AP3M2: variants seen among roughly 807,000 people sequenced by gnomAD.
AP3M2 encodes the protein AP-3 complex subunit mu-2.
AP3M2 carries 28 observed loss-of-function variants against 41.6 expected under a neutral mutation model. The observed-to-expected ratio is 0.67, with a 90% CI of 0.50 to 0.92. The LOEUF (loss-of-function observed/expected upper bound fraction) is 0.92. Ranked by LOEUF, AP3M2 falls within the 40% of genes least tolerant of loss-of-function variation. AP3M2 has a pLI of 0.00. For missense variants in AP3M2, 427 were observed against 521.4 expected (o/e 0.82, Z 1.76); for synonymous variants, 193 against 186.4 (o/e 1.04, Z -0.29).
chr8:42,165,838 T>C (rs1804625906), intron 6 of AP3M2: 1 of 328,002 alleles, frequency 3.0e-6, no homozygotes, highest in Non-Finnish European at 5.5e-6. Flanking sequence ...TTTGCTGTTA[T>C]TTTTGTTGTT....
At chr8:42,164,611 T>C (rs1804589735) in intron 4 of AP3M2, among the ~76,000 whole-genome samples, 1 of 151,920 alleles carries the variant, frequency 6.6e-6, no homozygotes, top group Non-Finnish European at 1.5e-5. Context: ...GCAGAAGTGA[T>C]TGACAGTGAC....
rs1564116179 is a variant in AP3M2 at position 42,157,932 on chromosome 8, C to A, written c.274-9C>A. 6.2e-7 allele frequency: 1 copy of A among 1,608,600 alleles called. No individual in the cohort carries two copies. The highest frequency in any genetic ancestry group is 1.7e-5 in the Admixed American group (1 of 59,934). On this transcript the variant is annotated splice_polypyrimidine_tract_variant and intron_variant, in intron 2 of 8. Coordinates refer to ENST00000396926, the MANE Select transcript of AP3M2 (RefSeq NM_006803.4). ...TGAGTGATCAATGTGTATATTCTGT[C>A]TCCATCAGGATTATTTTGGAGTCTG... is the stretch of plus-strand genomic sequence containing the variant.
At chr8:42,154,429 G>A (rs1476998362) in intron 1 of AP3M2, 187 bp from the exon 2 acceptor site, 9 of 435,518 alleles carry the variant, frequency 2.1e-5, no homozygotes, top group African/African-American at 4.0e-5. Context: ...ATAACTGGGA[G>A]TATATGATTG....
At chr8:42,168,924 T>A (rs749584162) in intron 8 of AP3M2, 37 bp from the exon 9 acceptor site, 1 of 1,492,434 alleles carries the variant, frequency 6.7e-7, no homozygotes, top group East Asian at 2.3e-5. Flanking sequence ...TTTTGAATAA[T>A]ACTCATGTCT....
chr8:42,162,174 C>A (rs1409250189), intron 3 of AP3M2, 107 bp from the exon 4 acceptor site: 20 of 1,131,144 alleles, frequency 1.8e-5, no homozygotes, highest in Admixed American at 2.8e-5. Flanking sequence ...TTGAAAAATT[C>A]TTCAATTGAG....
At chr8:42,156,039 CG>C (rs1804346154) in intron 2 of AP3M2, 2 of 351,908 alleles carry the variant, frequency 5.7e-6, no homozygotes, top group African/African-American at 4.0e-5. Flanking sequence ...ACAGTGAAAA[CG>C]TAAGTATAAG....
At chr8:42,153,845 G>A (rs1804279749) in intron 1 of AP3M2, 1 of 152,088 alleles carries the variant, frequency 6.6e-6, no homozygotes, top group African/African-American at 2.4e-5. Context: ...AGTGCTCAGA[G>A]AATAGCTCTG....
rs1804661746 is a variant in AP3M2, at chr8:42,167,175, T to A, written c.815T>A (p.Ile272Asn). Residue 272 changes from isoleucine to asparagine, a missense_variant, in exon 7 of 9, where the codon ATC (isoleucine) becomes AAC (asparagine). Ile to Asn is a moderately radical substitution (Grantham distance 149). Transcript: ENST00000396926. ...TCTCTCATTTCCAGTCTGGTTGCAA[T>A]CCCAGTGTATGTCAAACATAACATC... Reference protein sequence around the residue: ...YHVSAQNLVAIPVYVKHNISF... With the variant: ...YHVSAQNLVANPVYVKHNISF... The A allele has an allele frequency of 6.2e-7, 1 of 1,614,142 alleles. No individual in the cohort carries two copies. The highest frequency in any genetic ancestry group is 8.5e-7 in the Non-Finnish European group (1 of 1,180,016).
chr8:42,165,176 A>T lies in AP3M2; in HGVS notation c.669+20A>T, dbSNP rs1288508211. The T allele has an allele frequency of 1.2e-6, 2 of 1,607,770 alleles. No homozygotes were observed. Among genetic ancestry groups the T allele is most frequent in the Non-Finnish European group, 1.7e-6 (2 of 1,175,114 alleles). On this transcript the variant is annotated intron_variant, in intron 5 of 8. Transcript: ENST00000396926. ...TTCATGGTAAAATCCTGGGCCAGAG[A>T]TTAAGTTCTTGGGATGAGAAATTAA...
chr8:42,153,661 T>C (rs1474587420), intron 1 of AP3M2: 3 of 150,370 alleles, frequency 2.0e-5, no homozygotes, highest in Non-Finnish European at 2.9e-5. Context: ...CAGGGAAATT[T>C]TTTTTTTTTT....
At chr8:42,154,525 C>T (rs948933495) in intron 1 of AP3M2, 91 bp from the exon 2 acceptor site, 13 of 1,028,172 alleles carry the variant, frequency 1.3e-5, no homozygotes, top group Non-Finnish European at 1.5e-5. Flanking sequence ...TGGGCCTGGT[C>T]TTGAAAGATG....
intron 6 of AP3M2, 49 bp downstream of exon 6, chr8:42,165,609 G>A (rs1435701858): frequency 1.2e-6 from 2 of 1,600,616 alleles, no homozygotes; most frequent in South Asian, 1.1e-5. Flanking sequence ...GTACATGTAT[G>A]TGGAAACCGT....
chr8:42,167,897 C>T (rs1804685339), intron 8 of AP3M2, 87 bp downstream of exon 8: 1 of 1,476,564 alleles, frequency 6.8e-7, no homozygotes, highest in South Asian at 1.3e-5. Context: ...CCTTTCTGGG[C>T]TTCCTGTTTA....
intron 2 of AP3M2, 84 bp downstream of exon 2, chr8:42,155,044 G>A: frequency 5.2e-6 from 6 of 1,153,176 alleles, no homozygotes; most frequent in African/African-American, 1.6e-5. Context: ...CCTCCATTAA[G>A]AAACTTAAAA....
chr8:42,154,377 T>TA (rs953282591), intron 1 of AP3M2: 1 of 249,476 alleles, frequency 4.0e-6, no homozygotes, highest in Non-Finnish European at 7.8e-6. Context: ...CACCCACAGA[T>TA]AAGTAGTATT....
Position 42,168,974 on chromosome 8 carries a change from T to C in AP3M2, c.1170T>C (p.Asn390=), listed in dbSNP as rs773876680. 1 of 1,603,962 alleles carries C rather than the reference T, an allele frequency of 6.2e-7. No homozygotes were observed. Among genetic ancestry groups the C allele is most frequent in the Non-Finnish European group, 8.5e-7 (1 of 1,176,254 alleles). Residue 390 remains asparagine, a synonymous_variant, in exon 9 of 9, where the codon AAT becomes AAC. Coordinates refer to ENST00000396926, the MANE Select transcript of AP3M2 (RefSeq NM_006803.4). The part of the protein sequence containing the change: ...QQLAISGLKV[N]RLDMYGEKYK... ...CCTCCTTTCTAGGACTCAAGGTGAA[T>C]CGTCTGGATATGTATGGAGAAAAGT...
intron 2 of AP3M2, 47 bp from the exon 3 acceptor site, chr8:42,157,894 A>G: frequency 6.5e-7 from 1 of 1,527,252 alleles, no homozygotes; most frequent in Non-Finnish European, 9.0e-7. Context: ...TTATTTATTT[A>G]TTTTACAGTA....
chr8:42,161,834 A>G (rs1587915235), intron 3 of AP3M2, among the ~76,000 whole-genome samples: 1 of 152,312 alleles, frequency 6.6e-6, no homozygotes, highest in African/African-American at 2.4e-5. Flanking sequence ...GGAACTTGGG[A>G]ATGAGACAGA....
intron 4 of AP3M2, among the ~76,000 whole-genome samples, 176 bp downstream of exon 4, chr8:42,162,594 C>T (rs1804535124): frequency 6.6e-6 from 1 of 151,988 alleles, no homozygotes; most frequent in Non-Finnish European, 1.5e-5. Flanking sequence ...ATGATGCAGA[C>T]CAGGGTTTAT....
Sources: gnomAD v4.1 joint callset for allele counts (sites outside exome capture counted in the v4.1 genomes callset) on GRCh38, gnomAD v4.1.1 for gene constraint, MANE v1.5 for transcripts, NCBI Gene and HGNC (gene_info 2026-07-23, HGNC 2026-07-21) for gene names.